The following SPSB1 variants were observed in gnomAD, a reference collection of about 807,000 sequenced individuals.
The protein encoded by SPSB1 is SPRY domain-containing SOCS box protein 1.
In SPSB1, 8 loss-of-function variants were observed where a neutral mutation model predicts 21.2. The ratio of observed to expected loss-of-function variants is 0.38; its 90% confidence interval spans 0.22 to 0.68. The LOEUF is 0.68. Among genes scored for constraint, SPSB1 ranks in the 30% least tolerant of loss-of-function variants. The pLI, the probability that SPSB1 is intolerant of heterozygous loss-of-function variation, is 0.53. For missense variants in SPSB1, 242 were observed against 377.8 expected (o/e 0.64, Z 2.98); for synonymous variants, 169 against 161.7 (o/e 1.05, Z -0.34).
At chr1:9,331,557 C>T (rs1639920734) in intron 1 of SPSB1, among the ~76,000 whole-genome samples, 1 of 152,078 alleles carries the variant, frequency 6.6e-6, no homozygotes, top group African/African-American at 2.4e-5. Context: ...GTCTTGAACT[C>T]CTGACCTCAG....
intron 1 of SPSB1, among the ~76,000 whole-genome samples, chr1:9,349,547 A>T (rs569950462): frequency 1.3e-5 from 2 of 152,382 alleles, no homozygotes; most frequent in South Asian, 4.1e-4. Flanking sequence ...GATCTCTGAC[A>T]CAAGGCGTGC....
Position 9,293,009 on chromosome 1 carries a change from G to C in SPSB1, c.-212G>C. 9.2e-6 allele frequency: 9 copies of C among 981,646 alleles called. No individual in the cohort carries two copies. The highest frequency in any genetic ancestry group is 1.1e-5 in the Non-Finnish European group (9 of 827,508). 60.8% of individuals were successfully genotyped at this position (981,646 alleles called of 1,614,324 possible). A position where few individuals can be genotyped will look rare whatever the true frequency, so the allele number is the denominator to read the frequency against. ...CGACTTCGCTCCCTGCGGCGGGCGC[G>C]GCCCGGGCGCCCGAGCCTCCTCGGC... On this transcript the variant is annotated 5_prime_UTR_variant, in exon 1 of 3. Coordinates refer to ENST00000328089, the MANE Select transcript of SPSB1 (RefSeq NM_025106.4). The surrounding 1 kb of genome is among the most constrained non-coding windows in gnomAD (Gnocchi z 5.1).
At chr1:9,337,617 G>A (rs1403705622) in intron 1 of SPSB1, among the ~76,000 whole-genome samples, 1 of 152,188 alleles carries the variant, frequency 6.6e-6, no homozygotes, top group East Asian at 1.9e-4. Flanking sequence ...CCTTGCTGAG[G>A]TGGGGTCCCC....
chr1:9,365,855 C>T (rs1286265927), intron 2 of SPSB1, among the ~76,000 whole-genome samples: 6 of 152,192 alleles, frequency 3.9e-5, no homozygotes, highest in Non-Finnish European at 5.9e-5. Context: ...CCATTAGTTT[C>T]AGGGCTTTCC....
rs369112320 is a variant in SPSB1 at position 9,318,080 on chromosome 1, C to T, written c.-150+25009C>T. ...TTCCGGGCAGGTTGGGGAAACGCAG[C>T]GATTGTTCTGGGAAGCTGCAGCTTA... On this transcript the variant is annotated intron_variant, in intron 1 of 2. Transcript: ENST00000328089. Among the ~76,000 whole-genome samples, 3 of 152,320 alleles carry T rather than the reference C, an allele frequency of 2.0e-5. No homozygotes were observed. In the East Asian group the frequency reaches 5.8e-4, roughly 29 times the overall value.
intron 1 of SPSB1, among the ~76,000 whole-genome samples, chr1:9,328,805 A>G (rs1479084471): frequency 6.6e-6 from 1 of 152,212 alleles, no homozygotes; most frequent in Non-Finnish European, 1.5e-5. Flanking sequence ...CACTGTTGAC[A>G]TAGGGCAGGG....
At chr1:9,323,503 G>A (rs935998341) in intron 1 of SPSB1, among the ~76,000 whole-genome samples, 1 of 152,236 alleles carries the variant, frequency 6.6e-6, no homozygotes, top group African/African-American at 2.4e-5. Flanking sequence ...AGTCAGTGGT[G>A]GACTGTGCTG....
intron 1 of SPSB1, among the ~76,000 whole-genome samples, chr1:9,322,387 G>A (rs537971005): frequency 1.3e-5 from 2 of 152,262 alleles, no homozygotes; most frequent in South Asian, 2.1e-4. Context: ...TCCAAAGTCC[G>A]TGCCTCGCTC....
intron 1 of SPSB1, among the ~76,000 whole-genome samples, chr1:9,326,011 CAGG>C (rs1251692528): frequency 6.6e-6 from 1 of 152,018 alleles, no homozygotes; most frequent in African/African-American, 2.4e-5. Context: ...GGGTCCTGGC[CAGG>C]AGGAGTGTGG....
intron 1 of SPSB1, among the ~76,000 whole-genome samples, chr1:9,355,415 C>T (rs1640345944): frequency 6.6e-6 from 1 of 152,260 alleles, no homozygotes; most frequent in African/African-American, 2.4e-5. Flanking sequence ...GGCACCATGG[C>T]CTTCCGCCCT....
intron 2 of SPSB1, among the ~76,000 whole-genome samples, chr1:9,357,918 GC>G (rs1420303731): frequency 1.3e-5 from 2 of 152,194 alleles, no homozygotes; most frequent in Non-Finnish European, 2.9e-5. Context: ...AAGCAAGTGG[GC>G]TGGAAAGCTC....
At chr1:9,319,358 C>T (rs959200317) in intron 1 of SPSB1, among the ~76,000 whole-genome samples, 1 of 152,184 alleles carries the variant, frequency 6.6e-6, no homozygotes, top group South Asian at 2.1e-4. Context: ...AGGCGGGGAA[C>T]ACACCCAGCC....
intron 1 of SPSB1, among the ~76,000 whole-genome samples, chr1:9,338,563 C>A (rs755735112): frequency 2.6e-5 from 4 of 152,256 alleles, no homozygotes; most frequent in Non-Finnish European, 5.9e-5. Context: ...ATACTTTCTT[C>A]TTTGCTGGTG....
rs1396367995 is a variant in SPSB1, at chr1:9,364,793, A to G, written c.695-2655A>G. 3.3e-5 allele frequency among the ~76,000 whole-genome samples: 5 copies of G among 151,654 alleles called. No homozygotes were observed. The East Asian group carries it at 5.8e-4, about 18-fold the overall frequency. On this transcript the variant is annotated intron_variant, in intron 2 of 2. Transcript: ENST00000328089. Reference sequence around the variant, plus strand: ...AGCAGTGGTCCCTCTTCTTTTGTTTATTTATTTTTTCAGTTTTGGGGTTTT... The same window carrying G: ...AGCAGTGGTCCCTCTTCTTTTGTTTGTTTATTTTTTCAGTTTTGGGGTTTT...
At chr1:9,337,920 A>G (rs559456891) in intron 1 of SPSB1, among the ~76,000 whole-genome samples, 358 of 152,270 alleles carry the variant, frequency 2.4e-3, no homozygotes, top group Middle Eastern at 0.01. Flanking sequence ...TAAGAGAGTG[A>G]CCTGGTGGCT....
intron 1 of SPSB1, among the ~76,000 whole-genome samples, chr1:9,299,533 G>A (rs979666546): frequency 6.6e-6 from 1 of 152,120 alleles, no homozygotes; most frequent in Non-Finnish European, 1.5e-5. Context: ...AGGCTGGAGT[G>A]CAATGGTGCA....
intron 1 of SPSB1, among the ~76,000 whole-genome samples, chr1:9,311,399 A>G (rs547804832): frequency 2.8e-4 from 43 of 152,204 alleles, no homozygotes; most frequent in Middle Eastern, 6.8e-3. Flanking sequence ...TTTATAATGG[A>G]AAATTTCAAA....
intron 1 of SPSB1, among the ~76,000 whole-genome samples, chr1:9,327,402 A>G (rs1639834136): frequency 6.6e-6 from 1 of 152,072 alleles, no homozygotes; most frequent in Non-Finnish European, 1.5e-5. Flanking sequence ...CTAAAACAGG[A>G]TAGTAGCTGC....
At chr1:9,344,357 C>T (rs1281956124) in intron 1 of SPSB1, among the ~76,000 whole-genome samples, 2 of 152,204 alleles carry the variant, frequency 1.3e-5, no homozygotes, top group Non-Finnish European at 2.9e-5. Context: ...ACTTTGAGAA[C>T]CACTCCTGTA....
Sources: allele counts gnomAD v4.1 joint callset (sites outside exome capture counted in the v4.1 genomes callset), GRCh38; gene constraint gnomAD v4.1.1; non-coding constraint Gnocchi (gnomAD v3.1); transcripts MANE v1.5; gene names NCBI Gene and HGNC (gene_info 2026-07-23, HGNC 2026-07-21).